Variants in SKIC3 observed in about 807,000 individuals in gnomAD.
The protein encoded by SKIC3 is SKI3 subunit of superkiller complex.
the SKIC3 span, among the ~76,000 whole-genome samples, chr5:95,498,939 T>C: frequency 6.6e-6 from 1 of 152,188 alleles, no homozygotes; most frequent in Non-Finnish European, 1.5e-5. Context: ...ACTAGAGTAG[T>C]CTTTATCTGT....
the SKIC3 span, chr5:95,515,153 T>C: frequency 1.3e-5 from 6 of 449,358 alleles, no homozygotes; most frequent in East Asian, 2.2e-4. Flanking sequence ...TTCTGAACCC[T>C]AGCAAAAAAG....
the SKIC3 span, among the ~76,000 whole-genome samples, chr5:95,488,213 C>A: frequency 6.6e-6 from 1 of 151,926 alleles, no homozygotes; most frequent in South Asian, 2.1e-4. Context: ...TTTTCAGTGT[C>A]CTAGAAGGCA....
At chr5:95,488,333 G>A in the SKIC3 span, among the ~76,000 whole-genome samples, 1 of 152,166 alleles carries the variant, frequency 6.6e-6, no homozygotes, top group African/African-American at 2.4e-5. Flanking sequence ...AGGAGGCTTA[G>A]AGATGCACAA....
the SKIC3 span, chr5:95,484,663 T>C: frequency 6.2e-7 from 1 of 1,611,492 alleles, no homozygotes; most frequent in Non-Finnish European, 8.5e-7. Context: ...ATTCCATTTT[T>C]GAAGTTATTT....
chr5:95,509,956 T>C, the SKIC3 span, among the ~76,000 whole-genome samples: 28 of 152,218 alleles, frequency 1.8e-4, no homozygotes, highest in African/African-American at 6.8e-4. Context: ...TAACTTGAAA[T>C]TATAGTTCTT....
At chr5:95,525,909 C>T in the SKIC3 span, among the ~76,000 whole-genome samples, 1 of 152,114 alleles carries the variant, frequency 6.6e-6, no homozygotes, top group Admixed American at 6.6e-5. Context: ...ATGTACCCAT[C>T]ATCCAGCTAC....
At chr5:95,482,922 A>G in the SKIC3 span, among the ~76,000 whole-genome samples, 1 of 152,182 alleles carries the variant, frequency 6.6e-6, no homozygotes, top group Non-Finnish European at 1.5e-5. Flanking sequence ...TAGGTTCTAA[A>G]TGTAAGTAAA....
the SKIC3 span, among the ~76,000 whole-genome samples, chr5:95,527,102 C>G: frequency 6.6e-6 from 1 of 152,104 alleles, no homozygotes; most frequent in Admixed American, 6.5e-5. Flanking sequence ...CCCTTTTTAG[C>G]CAGTAAGAAT....
the SKIC3 span, among the ~76,000 whole-genome samples, chr5:95,518,633 T>C: frequency 2.6e-5 from 4 of 152,066 alleles, no homozygotes; most frequent in African/African-American, 9.7e-5. Context: ...CCTTAAATGA[T>C]AGCATTTCAT....
chr5:95,468,456 T>G, the SKIC3 span, among the ~76,000 whole-genome samples: 2 of 152,156 alleles, frequency 1.3e-5, no homozygotes, highest in African/African-American at 4.8e-5. Flanking sequence ...GCTATGTATA[T>G]CATATCAGGC....
chr5:95,467,682 C>G, the SKIC3 span, among the ~76,000 whole-genome samples: 2 of 152,144 alleles, frequency 1.3e-5, no homozygotes, highest in East Asian at 3.9e-4. Flanking sequence ...TTCTCATTTT[C>G]AACAGATGTA....
chr5:95,490,504 AT>A, the SKIC3 span, among the ~76,000 whole-genome samples: 2 of 144,252 alleles, frequency 1.4e-5, no homozygotes, highest in Non-Finnish European at 1.5e-5. Flanking sequence ...ATATATATAT[AT>A]TTTTTTTTTT....
chr5:95,523,766 C>A, the SKIC3 span: 3 of 1,613,582 alleles, frequency 1.9e-6, no homozygotes, highest in South Asian at 3.3e-5. Context: ...TTTTATCTCC[C>A]ACTACGTCTC....
At chr5:95,516,581 C>T in the SKIC3 span, 3 of 1,613,084 alleles carry the variant, frequency 1.9e-6, no homozygotes, top group Admixed American at 1.7e-5. Flanking sequence ...GCATAATTTC[C>T]AATACCTGAA....
chr5:95,518,898 A>G, the SKIC3 span, among the ~76,000 whole-genome samples: 1 of 152,006 alleles, frequency 6.6e-6, no homozygotes. Context: ...TGTTCTCCAC[A>G]GTGGCTACAC....
At chr5:95,529,152 G>T in the SKIC3 span, 1 of 1,498,352 alleles carries the variant, frequency 6.7e-7, no homozygotes, top group Non-Finnish European at 9.3e-7. Flanking sequence ...TGACTACATA[G>T]ATGAACAGCA....
At chr5:95,548,689 T>C in the SKIC3 span, 3 of 151,708 alleles carry the variant, frequency 2.0e-5, no homozygotes, top group African/African-American at 7.3e-5. Flanking sequence ...CAAACCAGTT[T>C]CCTTTGGTTA....
the SKIC3 span, chr5:95,522,146 G>C: frequency 6.2e-7 from 1 of 1,613,782 alleles, no homozygotes; most frequent in South Asian, 1.1e-5. Flanking sequence ...TTGCTGTATT[G>C]CTGCAACCTT....
chr5:95,520,934 A>T, the SKIC3 span: 1 of 745,574 alleles, frequency 1.3e-6, no homozygotes, highest in Non-Finnish European at 2.3e-6. Flanking sequence ...ATAAAACTTA[A>T]CGGTGTGTTA....
Sources: gnomAD v4.1 joint callset for allele counts (sites outside exome capture counted in the v4.1 genomes callset) on GRCh38, gnomAD v4.1.1 for gene constraint, MANE v1.5 for transcripts, NCBI Gene and HGNC (gene_info 2026-07-23, HGNC 2026-07-21) for gene names.